The following TMEM69 variants were observed in gnomAD, a reference collection of about 807,000 sequenced individuals.
TMEM69 encodes the protein chromosome 1 open reading frame 154.
TMEM69 carries 17 observed loss-of-function variants against 15.8 expected under a neutral mutation model. That is an observed-to-expected ratio of 1.07 (90% CI 0.73 to 1.61). TMEM69 has a LOEUF of 1.61. Among genes scored for constraint, TMEM69 ranks in the 40% most tolerant of loss-of-function variants. The probability of loss-of-function intolerance (pLI) is 0.00; values close to 1 mark genes in which losing one functional copy is unlikely to be tolerated. For missense variants in TMEM69, 230 were observed against 286.1 expected (o/e 0.80, Z 1.41); for synonymous variants, 80 against 98.6 (o/e 0.81, Z 1.12).
intron 1 of TMEM69, among the ~76,000 whole-genome samples, chr1:45,688,776 C>A (rs1280017441): frequency 1.3e-5 from 2 of 152,032 alleles, no homozygotes; most frequent in Non-Finnish European, 2.9e-5. Flanking sequence ...GATCTAAATT[C>A]TACTCGGAGG....
intron 2 of TMEM69, 73 bp from the exon 3 acceptor site, chr1:45,693,131 C>A: frequency 9.1e-7 from 1 of 1,104,236 alleles, no homozygotes; most frequent in Non-Finnish European, 1.3e-6. Flanking sequence ...TTATTTCATA[C>A]TGGGATTGAC....
chr1:45,693,572 A>G lies in TMEM69; in HGVS notation c.411A>G (p.Leu137=), dbSNP rs56220330. The change falls in exon 3 of 3, where the codon CTA becomes CTG. Residue 137 remains leucine, a synonymous_variant. Transcript: ENST00000372025. The stretch of plus-strand genomic sequence containing the variant: ...AGATGGCTTATGGAGCCAGTTTCCT[A>G]TCTTTCTTGGGTGGGATCAGATGGG... ...FTQMAYGASF[L]SFLGGIRWGF... is the part of the protein sequence containing the mutation. The G allele has an allele frequency of 3.6e-3, 5,765 of 1,613,988 alleles. 65 individuals carry two copies. The highest frequency in any genetic ancestry group is 0.035 in the East Asian group (1,566 of 44,882).
At chr1:45,693,095 T>G in intron 2 of TMEM69, 109 bp from the exon 3 acceptor site, 1 of 745,876 alleles carries the variant, frequency 1.3e-6, no homozygotes. Context: ...AGATCTTTTT[T>G]GTTTGCTCCT....
At chr1:45,692,855 AAG>A (rs1224517713) in intron 2 of TMEM69, among the ~76,000 whole-genome samples, 2 of 152,228 alleles carry the variant, frequency 1.3e-5, no homozygotes, top group Non-Finnish European at 2.9e-5. Context: ...TTATAAATAA[AAG>A]AGGCAGTTTA....
In TMEM69 at chr1:45,693,342, A is replaced by T. The variant is rs535413409; in HGVS notation, c.181A>T (p.Thr61Ser). Residue 61 changes from threonine (T) to serine (S), a missense_variant, in exon 3 of 3, where the codon ACA (threonine) becomes TCA (serine). Thr to Ser is a moderately conservative substitution (Grantham distance 58, BLOSUM62 1). Transcript: ENST00000372025. ...ATCATTTCCAGCGTATATGAGCAAG[A>T]CACAGTGCTATCATACATCCCCCTG... Reference protein sequence around the residue: ...SSSFPAYMSKTQCYHTSPCSF... With the variant: ...SSSFPAYMSKSQCYHTSPCSF... 8.7e-4 allele frequency: 1,410 copies of T among 1,614,136 alleles called. 20 individuals carry two copies. In the South Asian group the frequency reaches 0.015, roughly 17 times the overall value.
chr1:45,693,475 T>C lies in TMEM69; in HGVS notation c.314T>C (p.Leu105Pro), dbSNP rs757548868. The C allele has an allele frequency of 2.5e-6, 4 of 1,614,094 alleles. No homozygotes were observed. Among genetic ancestry groups the C allele is most frequent in the Non-Finnish European group, 3.4e-6 (4 of 1,180,044 alleles). Reference sequence around the variant, plus strand: ...GCATTATGTGTAACTCTGGCAGGACTAATCCCCTTCGTTGCTCCACCACTG... The same window carrying C: ...GCATTATGTGTAACTCTGGCAGGACCAATCCCCTTCGTTGCTCCACCACTG... ...KPALCVTLAG[L>P]IPFVAPPLVM... Residue 105 changes from leucine (L) to proline (P), a missense_variant, in exon 3 of 3, where the codon CTA becomes CCA. Coordinates refer to ENST00000372025, the MANE Select transcript of TMEM69 (RefSeq NM_016486.4).
At chr1:45,693,079 GAAAGCAGATCTT>G (rs1465012578) in intron 2 of TMEM69, 113 bp from the exon 3 acceptor site, 1 of 654,848 alleles carries the variant, frequency 1.5e-6, no homozygotes, top group Non-Finnish European at 2.6e-6. Context: ...TGTGGTAATG[GAAAGCAGATCTT>G]TTTTGTTTGC....
intron 1 of TMEM69, among the ~76,000 whole-genome samples, chr1:45,689,592 C>CA (rs1645330257): frequency 6.6e-6 from 1 of 152,156 alleles, no homozygotes; most frequent in Non-Finnish European, 1.5e-5. Flanking sequence ...CCTGTAATCC[C>CA]AGCACTTTGG....
intron 1 of TMEM69, 102 bp from the exon 2 acceptor site, chr1:45,690,872 A>G (rs1173617421): frequency 3.3e-6 from 2 of 613,898 alleles, no homozygotes; most frequent in Non-Finnish European, 5.8e-6. Flanking sequence ...GAAAACATTA[A>G]TGATTCTTTT....
At position 45,693,960 on chromosome 1, in the gene TMEM69, T is replaced by G. The variant is rs1645364279; in HGVS notation, c.*55T>G. 3.9e-6 allele frequency: 5 copies of G among 1,270,604 alleles called. No individual in the cohort carries two copies. The South Asian group carries it at 4.5e-5, about 11-fold the overall frequency. 78.7% of individuals were successfully genotyped at this position (1,270,604 alleles called of 1,614,324 possible). On this transcript the variant is annotated 3_prime_UTR_variant, in exon 3 of 3. Transcript: ENST00000372025. ...ACCTCTGCCCAGCTGCTGCCCCGTCTGGGAAGTGAGGAGCGCCTCTGCCTG... is the reference window on the plus strand; with the variant it reads ...ACCTCTGCCCAGCTGCTGCCCCGTCGGGGAAGTGAGGAGCGCCTCTGCCTG...
At chr1:45,690,224 G>A (rs1393244548) in intron 1 of TMEM69, among the ~76,000 whole-genome samples, 1 of 152,002 alleles carries the variant, frequency 6.6e-6, no homozygotes, top group African/African-American at 2.4e-5. Context: ...AATGCTCACC[G>A]GGCGCGGTGG....
chr1:45,689,948 G>A (rs1424225293), intron 1 of TMEM69, among the ~76,000 whole-genome samples: 4 of 152,028 alleles, frequency 2.6e-5, no homozygotes, highest in African/African-American at 4.8e-5. Flanking sequence ...ACAGCGGAGA[G>A]CACGCCACTG....
In TMEM69 at chr1:45,693,674, T is replaced by C. The variant is rs1310983913; in HGVS notation, c.513T>C (p.Phe171=). The change falls in exon 3 of 3, where the codon TTT becomes TTC. Residue 171 remains phenylalanine (F), a synonymous_variant. Transcript: ENST00000372025. ...CTAGCAGTGCAGCTCCTCTTTTCTT[T>C]TCATGGTTTGCCTTCCTTATTTCTG... is the stretch of plus-strand genomic sequence containing the variant. ...NLASSAAPLF[F]SWFAFLISER... The C allele has an allele frequency of 6.2e-7, 1 of 1,614,176 alleles. No homozygotes were observed. The highest frequency in any genetic ancestry group is 1.7e-5 in the Admixed American group (1 of 60,012).
Position 45,693,233 on chromosome 1 carries a change from A to G in TMEM69, c.72A>G (p.Leu24=), listed in dbSNP as rs778024128. Residue 24 remains leucine (L), a synonymous_variant, in exon 3 of 3, where the codon CTA becomes CTG. Coordinates refer to ENST00000372025, the MANE Select transcript of TMEM69 (RefSeq NM_016486.4). ...KILKYSFPVG[L]RTSRTDILSL... ...TGAAGTACTCTTTCCCAGTGGGACT[A>G]AGAACCAGCAGAACAGATATACTTT... The G allele has an allele frequency of 8.0e-5, 129 of 1,612,856 alleles. No individual in the cohort carries two copies. Among genetic ancestry groups the G allele is most frequent in the Non-Finnish European group, 1.1e-4 (127 of 1,179,374 alleles).
At position 45,693,615 on chromosome 1, in the gene TMEM69, G is replaced by A; in HGVS notation, c.454G>A (p.Gly152Ser). Residue 152 changes from glycine (G) to serine (S), a missense_variant, in exon 3 of 3, where the codon GGT becomes AGT. Transcript: ENST00000372025. Reference sequence around the variant, plus strand: ...CAGATGGGGTTTTGCTCTACCAGAAGGTAGTCCAGCCAAACCAGACTACCT... The same window carrying A: ...CAGATGGGGTTTTGCTCTACCAGAAAGTAGTCCAGCCAAACCAGACTACCT... Reference protein sequence around the residue: ...GIRWGFALPEGSPAKPDYLNL... With the variant: ...GIRWGFALPESSPAKPDYLNL... 5 of 1,614,200 alleles carry A rather than the reference G, an allele frequency of 3.1e-6. No homozygotes were observed. The highest frequency in any genetic ancestry group is 4.2e-6 in the Non-Finnish European group (5 of 1,180,042).
rs1450660999 is a variant in TMEM69, at chr1:45,693,328, C to T, written c.167C>T (p.Ala56Val). Reference protein sequence around the residue: ...PRPWLSSSFPAYMSKTQCYHT... With the variant: ...PRPWLSSSFPVYMSKTQCYHT... ...CCTTGGCTTTCCTCATCATTTCCAG[C>T]GTATATGAGCAAGACACAGTGCTAT... The change falls in exon 3 of 3, where the codon GCG becomes GTG. Residue 56 changes from alanine (A) to valine (V), a missense_variant. Physicochemically the swap from Ala to Val is moderately conservative, Grantham distance 64. Transcript: ENST00000372025. 19 of 1,614,034 alleles carry T rather than the reference C, an allele frequency of 1.2e-5. No individual in the cohort carries two copies. Among genetic ancestry groups the T allele is most frequent in the Middle Eastern group, 1.6e-4 (1 of 6,084 alleles).
Position 45,694,035 on chromosome 1 carries a change from T to A in TMEM69, c.*130T>A, listed in dbSNP as rs1645365047. 1 of 596,990 alleles carries A rather than the reference T, an allele frequency of 1.7e-6. No homozygotes were observed. Among genetic ancestry groups the A allele is most frequent in the East Asian group, 2.9e-5 (1 of 34,562 alleles). The allele number at this position is 596,990 out of a possible 1,614,324, so 37.0% of individuals were successfully genotyped here. On this transcript the variant is annotated 3_prime_UTR_variant, in exon 3 of 3. Transcript: ENST00000372025. ...GACAAGCGCCTCTGCCCGGCCGCTGTGCAACCTTCCACGTGTGAAGTGACA... is the reference window on the plus strand; with the variant it reads ...GACAAGCGCCTCTGCCCGGCCGCTGAGCAACCTTCCACGTGTGAAGTGACA...
chr1:45,694,224 C>T lies in TMEM69; in HGVS notation c.*319C>T. ...ACTTCTGTTTGGCTTTTTTTCCCCACACCAATGGTAATTTATCTTCACAGA... is the reference window on the plus strand; with the variant it reads ...ACTTCTGTTTGGCTTTTTTTCCCCATACCAATGGTAATTTATCTTCACAGA... On this transcript the variant is annotated 3_prime_UTR_variant, in exon 3 of 3. Coordinates refer to ENST00000372025, the MANE Select transcript of TMEM69 (RefSeq NM_016486.4). 1.9e-6 allele frequency: 1 copy of T among 536,930 alleles called. No homozygotes were observed. The highest frequency in any genetic ancestry group is 3.5e-5 in the Admixed American group (1 of 28,422). 33.3% of individuals were successfully genotyped at this position (536,930 alleles called of 1,614,324 possible). A position where few individuals can be genotyped will look rare whatever the true frequency, so the allele number is the denominator to read the frequency against.
At chr1:45,688,672 G>C (rs928479716) in intron 1 of TMEM69, among the ~76,000 whole-genome samples, 2 of 152,070 alleles carry the variant, frequency 1.3e-5, no homozygotes, top group African/African-American at 4.8e-5. Flanking sequence ...GAGTGGTCTG[G>C]AAAGTCCTTA....
Sources: gnomAD v4.1 joint callset for allele counts (sites outside exome capture counted in the v4.1 genomes callset) on GRCh38, gnomAD v4.1.1 for gene constraint, MANE v1.5 for transcripts, NCBI Gene and HGNC (gene_info 2026-07-23, HGNC 2026-07-21) for gene names.